The following CERS6 variants were observed in gnomAD, a reference collection of about 807,000 sequenced individuals.
CERS6 encodes ceramide synthase 6.
In CERS6, 26 loss-of-function variants were observed where a neutral mutation model predicts 56.8. The ratio of observed to expected loss-of-function variants is 0.46; its 90% CI spans 0.34 to 0.63. The LOEUF (loss-of-function observed/expected upper bound fraction) is 0.63, where lower values mean the gene tolerates loss of function less well. CERS6 is among the 30% of genes least tolerant of loss of function. The pLI is 0.01. For missense variants in CERS6, 415 were observed against 467.5 expected, an observed-to-expected ratio of 0.89 and a Z score of 1.04; for synonymous variants, 164 against 173.3, an observed-to-expected ratio of 0.95 and a Z score of 0.42.
At chr2:168,709,875 G>A (rs1047735819) in intron 6 of CERS6, among the ~76,000 whole-genome samples, 44 of 152,156 alleles carry the variant, frequency 2.9e-4, no homozygotes, top group Non-Finnish European at 7.4e-5. Context: ...TCAAAGAAAT[G>A]TGTTGGGTAA....
chr2:168,512,174 A>C (rs897945249), intron 1 of CERS6, among the ~76,000 whole-genome samples: 1 of 152,232 alleles, frequency 6.6e-6, no homozygotes, highest in Non-Finnish European at 1.5e-5. Context: ...GCCAGGAGCT[A>C]GGAGGAGAGG....
rs1012140410 is a variant in CERS6 at position 168,724,759 on chromosome 2, G to A, written c.845+6781G>A. Among the ~76,000 whole-genome samples, 7 of 152,300 alleles carry A rather than the reference G, an allele frequency of 4.6e-5. No individual in the cohort carries two copies. In the East Asian group the frequency reaches 1.2e-3, roughly 25 times the overall value. On this transcript the variant is annotated intron_variant, in intron 8 of 9. Transcript: ENST00000305747. ...TTGAGTTTGAGACAGAGTGCCGATT[G>A]GTGTATTTACAATCCCTGAGCTAGA...
chr2:168,559,139 C>T (rs1474540794), intron 2 of CERS6, among the ~76,000 whole-genome samples: 1 of 151,428 alleles, frequency 6.6e-6, no homozygotes, highest in Non-Finnish European at 1.5e-5. Flanking sequence ...GATTTTTCTC[C>T]TTCCCGTATT....
At chr2:168,493,639 A>G (rs987030991) in intron 1 of CERS6, among the ~76,000 whole-genome samples, 1 of 152,152 alleles carries the variant, frequency 6.6e-6, no homozygotes, top group Non-Finnish European at 1.5e-5. Flanking sequence ...CTTCAGATCA[A>G]CCATGATAGG....
chr2:168,567,784 G>T (rs1295584505), intron 3 of CERS6, among the ~76,000 whole-genome samples: 1 of 152,190 alleles, frequency 6.6e-6, no homozygotes, highest in African/African-American at 2.4e-5. Flanking sequence ...TCTGTAATTG[G>T]TGTGCCTGTC....
At chr2:168,534,407 CTTT>C (rs34587789) in intron 1 of CERS6, among the ~76,000 whole-genome samples, 2 of 136,646 alleles carry the variant, frequency 1.5e-5, no homozygotes, top group Admixed American at 7.1e-5. Flanking sequence ...TTTTGTGGGG[CTTT>C]TTTTTTTTTT....
intron 3 of CERS6, among the ~76,000 whole-genome samples, chr2:168,582,221 T>A (rs1030546803): frequency 6.6e-6 from 1 of 152,212 alleles, no homozygotes; most frequent in Non-Finnish European, 1.5e-5. Context: ...ATGCGCAGTG[T>A]CTTCTATAAT....
At chr2:168,656,904 T>C (rs1168615122) in intron 4 of CERS6, among the ~76,000 whole-genome samples, 2 of 152,098 alleles carry the variant, frequency 1.3e-5, no homozygotes, top group Non-Finnish European at 2.9e-5. Flanking sequence ...CACCTCCCCA[T>C]CAGATTAGTT....
intron 4 of CERS6, among the ~76,000 whole-genome samples, chr2:168,641,690 G>T (rs1419218809): frequency 6.6e-6 from 1 of 152,256 alleles, no homozygotes; most frequent in African/African-American, 2.4e-5. Flanking sequence ...GCCACGAGAG[G>T]TGTTCAATAA....
intron 1 of CERS6, among the ~76,000 whole-genome samples, chr2:168,478,097 TTTTTG>T (rs1424408525): frequency 2.0e-5 from 3 of 152,298 alleles, no homozygotes; most frequent in South Asian, 4.1e-4. Flanking sequence ...AGGGTTTTTT[TTTTTG>T]TTTGTTTGCT....
chr2:168,557,291 C>T (rs1695700454), intron 2 of CERS6, among the ~76,000 whole-genome samples: 1 of 152,126 alleles, frequency 6.6e-6, no homozygotes, highest in South Asian at 2.1e-4. Flanking sequence ...AGTTTTCAAG[C>T]ACTCTTGAAG....
chr2:168,476,297 T>G (rs1484902967), intron 1 of CERS6, among the ~76,000 whole-genome samples: 1 of 151,816 alleles, frequency 6.6e-6, no homozygotes, highest in African/African-American at 2.4e-5. Context: ...AATCAATGCA[T>G]GCATATTGTA....
intron 2 of CERS6, among the ~76,000 whole-genome samples, chr2:168,559,914 T>C (rs567560527): frequency 1.3e-5 from 2 of 151,680 alleles, no homozygotes; most frequent in Non-Finnish European, 1.5e-5. Context: ...TCACGTGGCT[T>C]AGTTTTGTTG....
Position 168,762,507 on chromosome 2 carries a change from C to T in CERS6, c.846-3085C>T, listed in dbSNP as rs1684612168. ...AGTCCTTTGTATTCTAATTGTTAAA[C>T]ATCAATAATGAGGAATTAAACATTA... On this transcript the variant is annotated intron_variant, in intron 8 of 9. Coordinates refer to ENST00000305747, the MANE Select transcript of CERS6 (RefSeq NM_203463.3). Among the ~76,000 whole-genome samples, 4 of 152,126 alleles carry T rather than the reference C, an allele frequency of 2.6e-5. No individual in the cohort carries two copies. The South Asian group carries it at 8.3e-4, about 32-fold the overall frequency.
chr2:168,563,657 T>A (rs986149654), intron 3 of CERS6, among the ~76,000 whole-genome samples: 4 of 151,790 alleles, frequency 2.6e-5, no homozygotes, highest in African/African-American at 9.7e-5. Flanking sequence ...ATTAGCCAGA[T>A]GTGGTGGCAG....
chr2:168,645,413 G>A (rs957835748), intron 4 of CERS6, among the ~76,000 whole-genome samples: 56 of 151,656 alleles, frequency 3.7e-4, no homozygotes, highest in African/African-American at 1.2e-3. Flanking sequence ...ATATTTTAAT[G>A]AAGATAATGA....
chr2:168,605,902 C>G lies in CERS6; in HGVS notation c.408-25083C>G, dbSNP rs1191710111. ...AGAAGCCTGCTGCAGGGACAGAGCC[C>G]TCATGGAGAACCTGTACTAGGGCAG... On this transcript the variant is annotated intron_variant, in intron 3 of 9. Coordinates refer to ENST00000305747, the MANE Select transcript of CERS6 (RefSeq NM_203463.3). Among the ~76,000 whole-genome samples, 4 of 152,196 alleles carry G rather than the reference C, an allele frequency of 2.6e-5. No homozygotes were observed. In the East Asian group the frequency reaches 5.8e-4, roughly 22 times the overall value.
intron 1 of CERS6, among the ~76,000 whole-genome samples, chr2:168,485,286 T>A (rs6748860): frequency 0.077 from 11,754 of 152,212 alleles, 503 homozygotes; most frequent in East Asian, 0.18. Context: ...CATTTTCTTT[T>A]TTATTAACAT....
chr2:168,516,287 G>A (rs573345652), intron 1 of CERS6, among the ~76,000 whole-genome samples: 3 of 152,136 alleles, frequency 2.0e-5, no homozygotes, highest in African/African-American at 7.2e-5. Flanking sequence ...ATCACTTAGG[G>A]GAGTTTCCAA....
Sources: gnomAD v4.1 joint callset for allele counts (sites outside exome capture counted in the v4.1 genomes callset) on GRCh38, gnomAD v4.1.1 for gene constraint, MANE v1.5 for transcripts, NCBI Gene and HGNC (gene_info 2026-07-23, HGNC 2026-07-21) for gene names.